INAVA: variants seen among roughly 807,000 people sequenced by gnomAD.
The protein encoded by INAVA is innate immunity activator, also known as innate immunity activator protein.
In INAVA, 32 loss-of-function variants were observed where a neutral mutation model predicts 55.3. The ratio of observed to expected loss-of-function variants is 0.58; its 90% CI spans 0.44 to 0.78. INAVA has a LOEUF of 0.78. Among genes scored for constraint, INAVA ranks in the 30% least tolerant of loss-of-function variants. INAVA has a pLI of 0.00. For synonymous variants in INAVA, 294 were observed against 329.4 expected, an observed-to-expected ratio of 0.89 and a Z score of 1.16; for missense variants, 756 against 786.4, an observed-to-expected ratio of 0.96 and a Z score of 0.46.
chr1:200,894,315 C>T (rs1453317981), upstream of INAVA, among the ~76,000 whole-genome samples: 2 of 152,018 alleles, frequency 1.3e-5, no homozygotes, highest in African/African-American at 4.8e-5. Context: ...GCCTCGATAC[C>T]CTTGGGGGAC....
chr1:200,898,352 A>G lies in INAVA; in HGVS notation c.-49A>G. ...CTACACAACCTGGCCCAGGCTGGTC[A>G]CGGTGTCCCCCCTCCCTGCTCTGTG... is the stretch of plus-strand genomic sequence containing the variant. On this transcript the variant is annotated 5_prime_UTR_variant, in exon 2 of 10. Transcript: ENST00000413687. 6.2e-7 allele frequency: 1 copy of G among 1,614,026 alleles called. No individual in the cohort carries two copies. The highest frequency in any genetic ancestry group is 8.5e-7 in the Non-Finnish European group (1 of 1,179,998).
At chr1:200,904,235 C>A (rs527950716) in intron 5 of INAVA, among the ~76,000 whole-genome samples, 1 of 152,022 alleles carries the variant, frequency 6.6e-6, no homozygotes, top group Non-Finnish European at 1.5e-5. Context: ...ACTGCAGATG[C>A]GTGCTGCCAC....
intron 9 of INAVA, 56 bp from the exon 10 acceptor site, chr1:200,913,481 C>G: frequency 2.2e-6 from 3 of 1,389,838 alleles, no homozygotes; most frequent in Non-Finnish European, 3.1e-6. Context: ...GCCTGCTGTC[C>G]CCGCTTTTCT....
intron 5 of INAVA, among the ~76,000 whole-genome samples, chr1:200,902,589 A>G (rs1407227058): frequency 6.6e-6 from 1 of 152,048 alleles, no homozygotes; most frequent in African/African-American, 2.4e-5. Flanking sequence ...ACCTTACTCC[A>G]CTCTCAACAG....
chr1:200,900,860 T>C (rs1653216926), intron 4 of INAVA, 77 bp from the exon 5 acceptor site: 1 of 1,121,402 alleles, frequency 8.9e-7, no homozygotes, highest in South Asian at 1.6e-5. Flanking sequence ...TAGAGCACTG[T>C]GTCAGGGCTG....
At position 200,911,804 on chromosome 1, in the gene INAVA, C is replaced by T. The variant is rs1479390414; in HGVS notation, c.1311C>T (p.Tyr437=). The change falls in exon 9 of 10, where the codon TAC becomes TAT. Residue 437 remains tyrosine, a synonymous_variant. Transcript: ENST00000413687. ...LPPGYFPAGR[Y]VVVAESPLPP... ...CTGGCTATTTCCCGGCGGGGCGGTA[C>T]GTGGTGGTGGCTGAGAGCCCCCTGC... 2.5e-6 allele frequency: 4 copies of T among 1,608,086 alleles called. No individual in the cohort carries two copies. The highest frequency in any genetic ancestry group is 3.4e-6 in the Non-Finnish European group (4 of 1,178,174).
At chr1:200,909,982 T>C (rs759699734) in intron 8 of INAVA, among the ~76,000 whole-genome samples, 1 of 152,192 alleles carries the variant, frequency 6.6e-6, no homozygotes, top group Non-Finnish European at 1.5e-5. Flanking sequence ...CTGTAACTCA[T>C]ACCCAGATGA....
intron 5 of INAVA, among the ~76,000 whole-genome samples, chr1:200,905,608 C>T (rs949717342): frequency 6.6e-6 from 1 of 152,180 alleles, no homozygotes; most frequent in Admixed American, 6.5e-5. Context: ...CCATAAAGAG[C>T]CAGACAGTAC....
Position 200,908,784 on chromosome 1 carries a change from C to T in INAVA, c.629C>T (p.Pro210Leu), listed in dbSNP as rs1320600815. Residue 210 changes from proline (P) to leucine (L), a missense_variant, in exon 7 of 10, where the codon CCT (proline) becomes CTT (leucine). Around this residue, in one of 2 missense-constraint regions of INAVA, gnomAD observed 639 missense variants for 624.3 expected, o/e 1.02. Coordinates refer to ENST00000413687, the MANE Select transcript of INAVA (RefSeq NM_001142569.3). ...GAGTCTCCAGCCCCACCTTCTCGGC[C>T]TCTCCCACCCCAAACCCTTGAGGGT... ...PPESPAPPSRPLPPQTLEGLQ... is the reference protein window; with the variant it reads ...PPESPAPPSRLLPPQTLEGLQ... 5 of 1,611,340 alleles carry T rather than the reference C, an allele frequency of 3.1e-6. No homozygotes were observed. Among genetic ancestry groups the T allele is most frequent in the South Asian group, 1.1e-5 (1 of 90,658 alleles).
rs543197451 is a variant in INAVA, at chr1:200,907,114, C to T, written c.521-720C>T. Reference sequence around the variant, plus strand: ...TGCTGGGATTACAGGCATGAACCACCGCGCCTGGCCATGAAATTCTTTTTA... The same window carrying T: ...TGCTGGGATTACAGGCATGAACCACTGCGCCTGGCCATGAAATTCTTTTTA... On this transcript the variant is annotated intron_variant, in intron 5 of 9. Coordinates refer to ENST00000413687, the MANE Select transcript of INAVA (RefSeq NM_001142569.3). 1.9e-4 allele frequency among the ~76,000 whole-genome samples: 29 copies of T among 152,238 alleles called. No individual in the cohort carries two copies. The South Asian group carries it at 2.5e-3, about 13-fold the overall frequency.
chr1:200,904,147 G>A (rs1558231012), intron 5 of INAVA, among the ~76,000 whole-genome samples: 1 of 150,932 alleles, frequency 6.6e-6, no homozygotes, highest in Non-Finnish European at 1.5e-5. Context: ...GGAGTGCAGT[G>A]GAGCCATCTC....
chr1:200,915,415 T>G lies in INAVA; in HGVS notation c.*1786T>G, dbSNP rs535773627. On this transcript the variant is annotated 3_prime_UTR_variant, in exon 10 of 10. Transcript: ENST00000413687. ...CTTACCGCATCAGCAACCCCCAACT[T>G]TTGGGCCTACTCTGCCCCCCATGCG... 5 of 130,376 alleles carry G rather than the reference T, an allele frequency of 3.8e-5. No homozygotes were observed. Among genetic ancestry groups the G allele is most frequent in the African/African-American group, 1.5e-4 (5 of 33,502 alleles). 8.1% of individuals were successfully genotyped at this position (130,376 alleles called of 1,614,324 possible).
intron 9 of INAVA, 57 bp downstream of exon 9, chr1:200,912,194 G>A: frequency 6.9e-7 from 1 of 1,449,998 alleles, no homozygotes; most frequent in Non-Finnish European, 9.2e-7. Flanking sequence ...TTGTTGGGGA[G>A]GGGCTGCAAT....
Position 200,914,522 on chromosome 1 carries a change from G to A in INAVA, c.*893G>A, listed in dbSNP as rs1030988004. On this transcript the variant is annotated 3_prime_UTR_variant, in exon 10 of 10. Coordinates refer to ENST00000413687, the MANE Select transcript of INAVA (RefSeq NM_001142569.3). The stretch of plus-strand genomic sequence containing the variant: ...GGCTGGAATGCTGTAGCAAGATTTC[G>A]GCTCACTGCAACCCCCGTCTCCCGG... The A allele has an allele frequency of 6.6e-6, 1 of 152,196 alleles. No homozygotes were observed. Among genetic ancestry groups the A allele is most frequent in the African/African-American group, 2.4e-5 (1 of 41,418 alleles). 9.4% of individuals were successfully genotyped at this position (152,196 alleles called of 1,614,324 possible).
At chr1:200,905,909 G>GT (rs151062294) in intron 5 of INAVA, among the ~76,000 whole-genome samples, 14,903 of 152,266 alleles carry the variant, frequency 0.098, 1,021 homozygotes, top group Non-Finnish European at 0.15. Context: ...AAGGGTTGTG[G>GT]TTAAGAGCAG....
In INAVA at chr1:200,908,836, GAGCCCAGAACGGGCTCCA is replaced by G; in HGVS notation, c.682_699del (p.Ser228_Pro233del). On this transcript the variant is annotated inframe_deletion, in exon 7 of 10. Coordinates refer to ENST00000413687, the MANE Select transcript of INAVA (RefSeq NM_001142569.3). ...TGCAGCCAACAGGACCTGAGGCTGG[GAGCCCAGAACGGGCTCCA>G]GTCCAGAACAGCCCCTGGAAGGAAA... 1 of 1,614,006 alleles carries G rather than the reference GAGCCCAGAACGGGCTCCA, an allele frequency of 6.2e-7. No individual in the cohort carries two copies. The highest frequency in any genetic ancestry group is 8.5e-7 in the Non-Finnish European group (1 of 1,179,968).
intron 5 of INAVA, among the ~76,000 whole-genome samples, chr1:200,901,825 G>C (rs536109353): frequency 9.8e-5 from 15 of 152,308 alleles, no homozygotes; most frequent in African/African-American, 3.6e-4. Flanking sequence ...CCTTGGCCCA[G>C]AGACTAGTGG....
At chr1:200,905,228 C>T (rs1254034163) in intron 5 of INAVA, among the ~76,000 whole-genome samples, 1 of 152,134 alleles carries the variant, frequency 6.6e-6, no homozygotes, top group Non-Finnish European at 1.5e-5. Context: ...CTACTGCCTG[C>T]TCTGGGTAAA....
Position 200,909,335 on chromosome 1 carries a change from C to A in INAVA, c.897C>A (p.Gly299=). The A allele has an allele frequency of 1.2e-6, 2 of 1,610,864 alleles. No homozygotes were observed. Among genetic ancestry groups the A allele is most frequent in the Non-Finnish European group, 1.7e-6 (2 of 1,178,674 alleles). Residue 299 remains glycine, a synonymous_variant, in exon 8 of 10, where the codon GGC becomes GGA. Transcript: ENST00000413687. The part of the protein sequence containing the change: ...PIRGVPGQWQ[G]RTSAPATPEI... ...GTGGTGTTCCTGGCCAGTGGCAGGG[C>A]CGCACCAGTGCCCCAGCCACCCCTG... is the stretch of plus-strand genomic sequence containing the variant.
Sources: gnomAD v4.1 joint callset for allele counts (sites outside exome capture counted in the v4.1 genomes callset) on GRCh38, gnomAD v4.1.1 for gene constraint, gnomAD v4.1.1 regional missense constraint, MANE v1.5 for transcripts, NCBI Gene and HGNC (gene_info 2026-07-23, HGNC 2026-07-21) for gene names.